Variants in USP34 observed in about 807,000 individuals in gnomAD.
USP34 encodes ubiquitin specific peptidase 34, also known as ubiquitin carboxyl-terminal hydrolase 34.
Under a neutral mutation model 460.3 loss-of-function variants are expected in USP34, and 70 were observed. The ratio of observed to expected loss-of-function variants is 0.15; its 90% CI spans 0.13 to 0.19. The LOEUF is 0.19. Among genes scored for constraint, USP34 ranks in the 10% least tolerant of loss-of-function variants. The pLI, the probability that USP34 is intolerant of heterozygous loss-of-function variation, is 1.00. For synonymous variants in USP34, 1,647 were observed against 1,405.3 expected (o/e 1.17, Z -3.85); for missense variants, 3,985 against 4,236.2 (o/e 0.94, Z 1.65).
intron 58 of USP34, among the ~76,000 whole-genome samples, chr2:61,231,097 T>C (rs1687882412): frequency 6.6e-6 from 1 of 152,182 alleles, no homozygotes; most frequent in African/African-American, 2.4e-5. Flanking sequence ...TGCTGTGACA[T>C]GAATAAATCC....
chr2:61,331,083 C>G (rs1691246210), intron 20 of USP34, among the ~76,000 whole-genome samples, 193 bp downstream of exon 20: 1 of 151,996 alleles, frequency 6.6e-6, no homozygotes, highest in African/African-American at 2.4e-5. Flanking sequence ...CTACATTTAC[C>G]TAAGAATTTA....
intron 3 of USP34, among the ~76,000 whole-genome samples, chr2:61,400,356 G>T (rs987044403): frequency 9.9e-5 from 15 of 152,070 alleles, no homozygotes; most frequent in African/African-American, 3.4e-4. Context: ...TGATCCACCC[G>T]CCTCGGCCTC....
At chr2:61,294,201 C>G (rs1294146268) in intron 32 of USP34, among the ~76,000 whole-genome samples, 2 of 151,832 alleles carry the variant, frequency 1.3e-5, no homozygotes, top group Non-Finnish European at 2.9e-5. Flanking sequence ...AAAAAATTAG[C>G]CGGGTGTGGT....
At chr2:61,467,615 T>TGG (rs1553397157) in intron 1 of USP34, among the ~76,000 whole-genome samples, 5 of 120,114 alleles carry the variant, frequency 4.2e-5, no homozygotes, top group African/African-American at 1.6e-4. Context: ...GACTGTAACT[T>TGG]TGTTTTTTTT....
chr2:61,253,618 T>C (rs907931224), intron 48 of USP34, among the ~76,000 whole-genome samples: 1 of 152,244 alleles, frequency 6.6e-6, no homozygotes, highest in African/African-American at 2.4e-5. Flanking sequence ...TAGTATCTTA[T>C]TGTATAATGA....
At chr2:61,349,684 CA>C (rs1161474064) in intron 12 of USP34, among the ~76,000 whole-genome samples, 1 of 151,752 alleles carries the variant, frequency 6.6e-6, no homozygotes, top group Non-Finnish European at 1.5e-5. Context: ...ACTAAAAATA[CA>C]AAAAAATTAG....
intron 57 of USP34, 61 bp from the exon 58 acceptor site, chr2:61,232,593 C>G: frequency 7.8e-7 from 1 of 1,288,426 alleles, no homozygotes; most frequent in Admixed American, 2.2e-5. Flanking sequence ...CATGGGATAA[C>G]AGTCACATAA....
At chr2:61,235,824 G>A in intron 57 of USP34, 21 bp downstream of exon 57, 1 of 1,605,248 alleles carries the variant, frequency 6.2e-7, no homozygotes, top group Non-Finnish European at 8.5e-7. Flanking sequence ...CTATGCATTA[G>A]TTGTTGAATT....
At chr2:61,375,687 T>C (rs1277233766) in intron 8 of USP34, among the ~76,000 whole-genome samples, 1 of 141,390 alleles carries the variant, frequency 7.1e-6, no homozygotes, top group African/African-American at 2.6e-5. Context: ...GAGAATGGCG[T>C]GAATCTGGGA....
intron 48 of USP34, among the ~76,000 whole-genome samples, chr2:61,251,355 G>C (rs183923966): frequency 3.3e-5 from 5 of 152,256 alleles, no homozygotes; most frequent in Middle Eastern, 3.4e-3. Flanking sequence ...ACTTTAAAGA[G>C]TTTGTTCAAA....
intron 1 of USP34, among the ~76,000 whole-genome samples, chr2:61,438,422 G>C (rs1033700607): frequency 2.0e-5 from 3 of 152,090 alleles, no homozygotes; most frequent in Admixed American, 6.6e-5. Flanking sequence ...AGACCAGCCT[G>C]GCCAACATGG....
At chr2:61,364,739 G>C (rs979208677) in intron 10 of USP34, among the ~76,000 whole-genome samples, 9 of 151,896 alleles carry the variant, frequency 5.9e-5, no homozygotes, top group African/African-American at 2.2e-4. Flanking sequence ...GACCAGCCTA[G>C]CTGACATGAT....
intron 48 of USP34, 21 bp from the exon 49 acceptor site, chr2:61,248,704 TAATA>T (rs777518007): frequency 1.0e-5 from 16 of 1,528,058 alleles, no homozygotes; most frequent in Non-Finnish European, 1.4e-5. Flanking sequence ...AGAAAAAAAT[TAATA>T]AAGATTATTT....
At chr2:61,237,505 T>C (rs1253121598) in intron 53 of USP34, among the ~76,000 whole-genome samples, 11 of 151,566 alleles carry the variant, frequency 7.3e-5, no homozygotes, top group South Asian at 2.1e-4. Context: ...GTCTGTTTGA[T>C]AGTCCTTTTT....
At chr2:61,231,811 A>T (rs967333722) in intron 58 of USP34, among the ~76,000 whole-genome samples, 1 of 99,222 alleles carries the variant, frequency 1.0e-5, no homozygotes, top group Admixed American at 8.8e-5. Context: ...AAAACCCTCT[A>T]AAAAAATATA....
intron 2 of USP34, chr2:61,417,111 A>G: frequency 2.0e-6 from 3 of 1,523,360 alleles, no homozygotes; most frequent in Non-Finnish European, 2.7e-6. Context: ...GCAGCTTGGT[A>G]TGGATGGACA....
At chr2:61,254,819 T>G (rs1171594010) in intron 48 of USP34, among the ~76,000 whole-genome samples, 3 of 152,176 alleles carry the variant, frequency 2.0e-5, no homozygotes, top group Non-Finnish European at 4.4e-5. Flanking sequence ...TTGTATAATG[T>G]TTGGCACGCA....
rs182223763 is a variant in USP34 at position 61,220,594 on chromosome 2, T to C, written c.7900-137A>G. On this transcript the variant is annotated intron_variant, in intron 66 of 79. Transcript: ENST00000398571. ...TAGAGATTAAAAAGGTTTCACCCTA[T>C]TTTTTTCCCATTTTTAAAGCTACTT... The C allele has an allele frequency of 6.1e-6, 5 of 816,374 alleles. No individual in the cohort carries two copies. The East Asian group carries it at 1.5e-4, about 25-fold the overall frequency. The allele number at this position is 816,374 out of a possible 1,614,324, so 50.6% of individuals were successfully genotyped here. A position where few individuals can be genotyped will look rare whatever the true frequency, so the allele number is the denominator to read the frequency against.
intron 10 of USP34, among the ~76,000 whole-genome samples, chr2:61,368,712 C>G (rs772451070): frequency 6.6e-6 from 1 of 152,106 alleles, no homozygotes; most frequent in Non-Finnish European, 1.5e-5. Context: ...TAAATCCCAG[C>G]TGGATCAAAG....
Sources: allele counts gnomAD v4.1 joint callset (sites outside exome capture counted in the v4.1 genomes callset), GRCh38; gene constraint gnomAD v4.1.1; transcripts MANE v1.5; gene names NCBI Gene and HGNC (gene_info 2026-07-23, HGNC 2026-07-21).